Variants in GSG1L observed in about 807,000 individuals in gnomAD.
GSG1L encodes germ cell-specific gene 1-like protein.
Under a neutral mutation model 42.1 loss-of-function variants are expected in GSG1L, and 24 were observed. That is an observed-to-expected ratio of 0.57 (90% CI 0.41 to 0.80). The LOEUF is 0.80. GSG1L is among the 30% of genes least tolerant of loss of function. The pLI, the probability that GSG1L is intolerant of heterozygous loss-of-function variation, is 0.00. For missense variants in GSG1L, 445 were observed against 472.2 expected (o/e 0.94, Z 0.53); for synonymous variants, 215 against 203.5 (o/e 1.06, Z -0.48).
intron 1 of GSG1L, among the ~76,000 whole-genome samples, chr16:27,989,114 C>T (rs759227304): frequency 4.6e-5 from 7 of 151,068 alleles, no homozygotes; most frequent in Non-Finnish European, 7.4e-5. Context: ...GAAGGAGAGA[C>T]AGTTTCACGC....
intron 2 of GSG1L, among the ~76,000 whole-genome samples, chr16:27,959,303 CA>C (rs3033628): frequency 0.022 from 2,832 of 131,022 alleles, 28 homozygotes; most frequent in Non-Finnish European, 0.029. Flanking sequence ...ACTAATAATA[CA>C]AAAAAAAAAA....
At chr16:27,964,323 CAAAA>C (rs11306598) in intron 1 of GSG1L, among the ~76,000 whole-genome samples, 2 of 126,566 alleles carry the variant, frequency 1.6e-5, no homozygotes, top group African/African-American at 3.2e-5. Context: ...GACTCTGTCT[CAAAA>C]AAAAAAAAAA....
chr16:27,957,332 G>A (rs1235405231), intron 2 of GSG1L, among the ~76,000 whole-genome samples: 1 of 152,180 alleles, frequency 6.6e-6, no homozygotes. Context: ...GGGTGACAGA[G>A]CAAGACTCCA....
At chr16:28,031,543 C>G (rs146807800) in intron 1 of GSG1L, among the ~76,000 whole-genome samples, 7 of 152,246 alleles carry the variant, frequency 4.6e-5, no homozygotes, top group African/African-American at 1.7e-4. Context: ...TTGCACTCAC[C>G]TATTAACTTT....
At chr16:27,929,331 G>A (rs895678453) in intron 2 of GSG1L, among the ~76,000 whole-genome samples, 1 of 152,166 alleles carries the variant, frequency 6.6e-6, no homozygotes, top group Non-Finnish European at 1.5e-5. Flanking sequence ...ACCCGGGGAT[G>A]GTCACACAAC....
intron 6 of GSG1L, among the ~76,000 whole-genome samples, chr16:27,802,454 C>T (rs549555130): frequency 3.3e-5 from 5 of 152,268 alleles, no homozygotes; most frequent in South Asian, 2.1e-4. Flanking sequence ...CAGGGAATGA[C>T]GGCCATCCCT....
At chr16:27,849,691 G>GTATT (rs747204110) in intron 3 of GSG1L, among the ~76,000 whole-genome samples, 123 of 151,974 alleles carry the variant, frequency 8.1e-4, no homozygotes, top group East Asian at 2.5e-3. Flanking sequence ...CTTGGCTATT[G>GTATT]TATTTATTTA....
intron 1 of GSG1L, among the ~76,000 whole-genome samples, chr16:28,052,975 G>A (rs1243196168): frequency 6.6e-6 from 1 of 152,226 alleles, no homozygotes; most frequent in Non-Finnish European, 1.5e-5. Flanking sequence ...CCTCAAGGTG[G>A]GGCCCGGGCC....
chr16:27,837,391 C>T (rs1417999543), intron 4 of GSG1L, among the ~76,000 whole-genome samples: 1 of 151,958 alleles, frequency 6.6e-6, no homozygotes, highest in African/African-American at 2.4e-5. Flanking sequence ...ATATCAGCCA[C>T]CATTGACATT....
intron 1 of GSG1L, among the ~76,000 whole-genome samples, chr16:28,042,979 CA>C (rs1391474632): frequency 6.6e-6 from 1 of 152,130 alleles, no homozygotes; most frequent in Non-Finnish European, 1.5e-5. Context: ...TTTGAAGCCA[CA>C]AGGAGCAGAC....
At position 27,925,013 on chromosome 16, in the gene GSG1L, C is replaced by T. The variant is rs544648388; in HGVS notation, c.397+38143G>A. On this transcript the variant is annotated intron_variant, in intron 2 of 6. Coordinates refer to ENST00000447459, the MANE Select transcript of GSG1L (RefSeq NM_001109763.2). ...GATAGCCATGTGGATTTAGACCAAT[C>T]AGGATTCACTCCTGGACTGGGGATT... Among the ~76,000 whole-genome samples the T allele has an allele frequency of 3.0e-4, 45 of 152,276 alleles. No homozygotes were observed. The South Asian group carries it at 8.9e-3, about 30-fold the overall frequency.
At chr16:27,823,377 C>T (rs992569856) in intron 5 of GSG1L, among the ~76,000 whole-genome samples, 20 of 152,120 alleles carry the variant, frequency 1.3e-4, no homozygotes, top group African/African-American at 4.3e-4. Context: ...TCTTCGACAG[C>T]GCTGAACACC....
chr16:28,012,000 T>A (rs1231196030), intron 1 of GSG1L, among the ~76,000 whole-genome samples: 1 of 152,000 alleles, frequency 6.6e-6, no homozygotes, highest in East Asian at 1.9e-4. Flanking sequence ...ACCCACCAGA[T>A]CATGTCACTC....
intron 1 of GSG1L, among the ~76,000 whole-genome samples, chr16:28,007,756 T>G (rs1177906535): frequency 1.3e-5 from 2 of 152,092 alleles, no homozygotes; most frequent in African/African-American, 4.8e-5. Context: ...GCTCAAGTGA[T>G]CCACCCACTT....
chr16:27,853,770 C>T (rs1008975538), intron 3 of GSG1L, among the ~76,000 whole-genome samples: 7 of 152,138 alleles, frequency 4.6e-5, no homozygotes, highest in South Asian at 2.1e-4. Flanking sequence ...CTCAGCTGCC[C>T]CCATCCAGCC....
At chr16:27,918,422 C>T (rs1596612605) in intron 2 of GSG1L, among the ~76,000 whole-genome samples, 2 of 152,092 alleles carry the variant, frequency 1.3e-5, no homozygotes, top group East Asian at 3.9e-4. Context: ...CTTTAGGATG[C>T]CGAGGCAGGT....
intron 3 of GSG1L, among the ~76,000 whole-genome samples, chr16:27,861,478 C>T (rs931933902): frequency 2.0e-5 from 3 of 152,182 alleles, no homozygotes; most frequent in Non-Finnish European, 2.9e-5. Flanking sequence ...CTGAAATGCA[C>T]TTTCCTTTTG....
At chr16:27,946,689 A>G (rs964140957) in intron 2 of GSG1L, among the ~76,000 whole-genome samples, 3 of 145,000 alleles carry the variant, frequency 2.1e-5, no homozygotes, top group African/African-American at 7.7e-5. Flanking sequence ...AGAAAGAAAG[A>G]AAGAATTAAA....
rs9302450 is a variant in GSG1L at position 27,824,545 on chromosome 16, C to CA, written c.830+4243dup. ...CTCTGAGCTCTTTGTAGGGAAAGCA[C>CA]AAAAAAAAAAAGAAAAAAGGAAAAG... On this transcript the variant is annotated intron_variant, in intron 5 of 6. Coordinates refer to ENST00000447459, the MANE Select transcript of GSG1L (RefSeq NM_001109763.2). Among the ~76,000 whole-genome samples, 319 of 141,580 alleles carry CA rather than the reference C, an allele frequency of 2.3e-3. 4 individuals are homozygous for CA. Among genetic ancestry groups the CA allele is most frequent in the South Asian group, 9.3e-3 (41 of 4,420 alleles). The allele number at this position is 141,580 out of a possible 152,430, so 92.9% of individuals were successfully genotyped here.
Sources: allele counts gnomAD v4.1 joint callset (sites outside exome capture counted in the v4.1 genomes callset), GRCh38; gene constraint gnomAD v4.1.1; transcripts MANE v1.5; gene names NCBI Gene and HGNC (gene_info 2026-07-23, HGNC 2026-07-21).